The following CNTNAP5 variants were observed in gnomAD, a reference collection of about 807,000 sequenced individuals.
CNTNAP5 encodes contactin associated protein family member 5.
A neutral mutation model predicts 150.2 loss-of-function variants in CNTNAP5; 72 were observed. That is an observed-to-expected ratio of 0.48 (90% CI 0.40 to 0.58). The LOEUF (loss-of-function observed/expected upper bound fraction) is 0.58. Ranked by LOEUF, CNTNAP5 falls within the 20% of genes least tolerant of loss-of-function variation. The probability of loss-of-function intolerance (pLI) is 0.00; values close to 1 mark genes in which losing one functional copy is unlikely to be tolerated. For synonymous variants in CNTNAP5, 672 were observed against 619.8 expected, an observed-to-expected ratio of 1.08 and a Z score of -1.25; for missense variants, 1,636 against 1,626.2, an observed-to-expected ratio of 1.01 and a Z score of -0.10.
intron 3 of CNTNAP5, among the ~76,000 whole-genome samples, chr2:124,278,935 A>G (rs1687949967): frequency 6.6e-6 from 1 of 152,184 alleles, no homozygotes; most frequent in African/African-American, 2.4e-5. Flanking sequence ...TTTAGGATGT[A>G]TGTAGAATTT....
intron 4 of CNTNAP5, among the ~76,000 whole-genome samples, chr2:124,419,140 CAAAAAAA>C (rs778863758): frequency 6.9e-5 from 2 of 28,908 alleles, no homozygotes; most frequent in African/African-American, 1.1e-4. Flanking sequence ...GACTCCTTCT[CAAAAAAA>C]AAAAAAAAAA....
At chr2:124,169,860 A>G (rs1684890066) in intron 1 of CNTNAP5, among the ~76,000 whole-genome samples, 1 of 152,212 alleles carries the variant, frequency 6.6e-6, no homozygotes, top group South Asian at 2.1e-4. Flanking sequence ...AAGGTCCAAC[A>G]ATTGATCTTA....
At chr2:124,423,651 A>ATTTTT (rs1176407242) in intron 4 of CNTNAP5, among the ~76,000 whole-genome samples, 2 of 29,610 alleles carry the variant, frequency 6.8e-5, no homozygotes, top group Non-Finnish European at 1.5e-4. Context: ...CGGCTAATTA[A>ATTTTT]CTTTTTTTTT....
rs377138572 is a variant in CNTNAP5 at position 124,434,669 on chromosome 2, G to A, written c.715G>A (p.Ala239Thr). 127 of 1,611,716 alleles carry A rather than the reference G, an allele frequency of 7.9e-5. No individual in the cohort carries two copies. Among genetic ancestry groups the A allele is most frequent in the Admixed American group, 4.5e-4 (27 of 59,594 alleles). Residue 239 changes from alanine to threonine, a missense_variant, in exon 5 of 24, where the codon GCC becomes ACC. Physicochemically the swap from Ala to Thr is moderately conservative, Grantham distance 58. Transcript: ENST00000682447. ...CTTGGAACTCCAGAAGGGGAGGCTC[G>A]CCCTACACCTCAATTTGGGTAGGCT... ...ITLELQKGRL[A>T]LHLNLGDSKA...
At chr2:124,122,775 CA>C (rs2104718042) in intron 1 of CNTNAP5, among the ~76,000 whole-genome samples, 1 of 150,974 alleles carries the variant, frequency 6.6e-6, no homozygotes, top group East Asian at 1.9e-4. Flanking sequence ...CACACACACA[CA>C]CACACACACA....
chr2:124,071,846 A>G (rs1397005047), intron 1 of CNTNAP5, among the ~76,000 whole-genome samples: 1 of 151,986 alleles, frequency 6.6e-6, no homozygotes. Flanking sequence ...AGAGGAAAAG[A>G]GAATACTTTC....
intron 12 of CNTNAP5, among the ~76,000 whole-genome samples, chr2:124,627,532 A>G (rs1235134174): frequency 6.6e-6 from 1 of 151,868 alleles, no homozygotes; most frequent in Non-Finnish European, 1.5e-5. Context: ...CAAAAAAAAA[A>G]AAAAAAGACC....
intron 10 of CNTNAP5, among the ~76,000 whole-genome samples, chr2:124,551,543 G>A (rs1294634076): frequency 6.6e-6 from 1 of 152,158 alleles, no homozygotes; most frequent in Non-Finnish European, 1.5e-5. Flanking sequence ...TAATGTATGC[G>A]CTTCATAACA....
chr2:124,530,372 A>G (rs1695077573), intron 10 of CNTNAP5, among the ~76,000 whole-genome samples: 2 of 152,170 alleles, frequency 1.3e-5, no homozygotes, highest in African/African-American at 4.8e-5. Context: ...CTGAGGCACA[A>G]ATGTTCCAAA....
At chr2:124,785,465 A>G (rs1321305895) in intron 17 of CNTNAP5, among the ~76,000 whole-genome samples, 3 of 152,254 alleles carry the variant, frequency 2.0e-5, no homozygotes, top group Admixed American at 2.0e-4. Flanking sequence ...GGGTAGAAAG[A>G]TAAATGACTA....
At chr2:124,399,015 C>T (rs1426348188) in intron 3 of CNTNAP5, among the ~76,000 whole-genome samples, 1 of 152,120 alleles carries the variant, frequency 6.6e-6, no homozygotes, top group Admixed American at 6.5e-5. Flanking sequence ...CTCAATTTAC[C>T]AGACAACTTG....
intron 1 of CNTNAP5, among the ~76,000 whole-genome samples, chr2:124,067,878 C>G (rs2104660578): frequency 6.6e-6 from 1 of 152,156 alleles, no homozygotes; most frequent in East Asian, 1.9e-4. Context: ...TGATATTACT[C>G]AATTCTATTA....
chr2:124,137,796 C>G (rs902012348), intron 1 of CNTNAP5, among the ~76,000 whole-genome samples: 1 of 151,704 alleles, frequency 6.6e-6, no homozygotes, highest in Non-Finnish European at 1.5e-5. Context: ...AGTCGGTGGT[C>G]GCTGTGGAGA....
intron 13 of CNTNAP5, among the ~76,000 whole-genome samples, chr2:124,672,447 A>C (rs920942040): frequency 6.6e-6 from 1 of 152,206 alleles, no homozygotes; most frequent in Non-Finnish European, 1.5e-5. Flanking sequence ...AAAAGAAAGA[A>C]ATACTGAAAG....
At chr2:124,721,994 T>G (rs1288082903) in intron 13 of CNTNAP5, among the ~76,000 whole-genome samples, 1 of 152,098 alleles carries the variant, frequency 6.6e-6, no homozygotes, top group African/African-American at 2.4e-5. Context: ...TAGTTTATCT[T>G]CTGAAGATGA....
intron 3 of CNTNAP5, among the ~76,000 whole-genome samples, chr2:124,409,930 G>A (rs1054102564): frequency 4.0e-5 from 6 of 150,532 alleles, no homozygotes; most frequent in Non-Finnish European, 5.9e-5. Flanking sequence ...GACACAGACT[G>A]GCAAATTGGA....
intron 3 of CNTNAP5, among the ~76,000 whole-genome samples, chr2:124,259,027 G>A (rs1395807982): frequency 8.3e-6 from 1 of 120,788 alleles, no homozygotes; most frequent in Non-Finnish European, 1.6e-5. Flanking sequence ...CCTACAACAG[G>A]CCCCGGTGTG....
At chr2:124,809,818 C>G (rs1443843757) in intron 19 of CNTNAP5, among the ~76,000 whole-genome samples, 1 of 152,022 alleles carries the variant, frequency 6.6e-6, no homozygotes, top group Non-Finnish European at 1.5e-5. Flanking sequence ...GAGGTGTTAG[C>G]AAAGATATAA....
chr2:124,201,915 G>T (rs1019646977), intron 1 of CNTNAP5, among the ~76,000 whole-genome samples: 1 of 152,104 alleles, frequency 6.6e-6, no homozygotes, highest in Non-Finnish European at 1.5e-5. Context: ...TATGGACTCT[G>T]TTCATTAGCC....
Sources: gnomAD v4.1 joint callset for allele counts (sites outside exome capture counted in the v4.1 genomes callset) on GRCh38, gnomAD v4.1.1 for gene constraint, MANE v1.5 for transcripts, NCBI Gene and HGNC (gene_info 2026-07-23, HGNC 2026-07-21) for gene names.